SPATS2: variants seen among roughly 807,000 people sequenced by gnomAD.
The protein encoded by SPATS2 is spermatogenesis associated serine rich 2.
In SPATS2, 38 loss-of-function variants were observed where a neutral mutation model predicts 63.7. The observed-to-expected ratio is 0.60, with a 90% CI of 0.46 to 0.78. SPATS2 has a LOEUF of 0.78. SPATS2 is among the 30% of genes least tolerant of loss of function. SPATS2 has a pLI of 0.00. For missense variants in SPATS2, 588 were observed against 666.2 expected, an observed-to-expected ratio of 0.88 and a Z score of 1.29; for synonymous variants, 207 against 232.9, an observed-to-expected ratio of 0.89 and a Z score of 1.01.
intron 11 of SPATS2, 138 bp from the exon 12 acceptor site, chr12:49,522,613 G>A (rs907252085): frequency 3.4e-6 from 2 of 588,332 alleles, no homozygotes; most frequent in Non-Finnish European, 6.0e-6. Context: ...ACCTGGCGTT[G>A]GTCATGTGAT....
At chr12:49,519,220 C>T (rs1371270292) in intron 11 of SPATS2, 38 bp downstream of exon 11, 2 of 1,530,148 alleles carry the variant, frequency 1.3e-6, no homozygotes, top group Admixed American at 1.8e-5. Context: ...TCTTCTTATC[C>T]TCAGGGGCTA....
intron 3 of SPATS2, among the ~76,000 whole-genome samples, chr12:49,483,501 T>C (rs1477374418): frequency 2.0e-5 from 3 of 152,160 alleles, no homozygotes; most frequent in Non-Finnish European, 2.9e-5. Flanking sequence ...TTTGTATAAG[T>C]GTTACCCGAT....
intron 2 of SPATS2, among the ~76,000 whole-genome samples, chr12:49,443,695 A>G (rs1945463486): frequency 2.0e-5 from 3 of 152,116 alleles, no homozygotes; most frequent in Non-Finnish European, 2.9e-5. Context: ...GTTCATTTTT[A>G]TGTATTTGGA....
At chr12:49,438,580 C>T (rs1456688633) in intron 2 of SPATS2, among the ~76,000 whole-genome samples, 1 of 152,170 alleles carries the variant, frequency 6.6e-6, no homozygotes, top group Non-Finnish European at 1.5e-5. Flanking sequence ...GGTCCACATC[C>T]TGACCAAACT....
At chr12:49,489,399 G>A in intron 4 of SPATS2, 66 bp from the exon 5 acceptor site, 4 of 1,218,042 alleles carry the variant, frequency 3.3e-6, no homozygotes, top group Non-Finnish European at 4.8e-6. Context: ...ATTATTCTCT[G>A]TATAGGCCTC....
intron 2 of SPATS2, among the ~76,000 whole-genome samples, chr12:49,380,844 A>G (rs183783876): frequency 3.3e-5 from 5 of 150,758 alleles, no homozygotes; most frequent in African/African-American, 1.2e-4. Flanking sequence ...TTTTGTGTCT[A>G]TACCTAAAAG....
intron 2 of SPATS2, among the ~76,000 whole-genome samples, chr12:49,372,147 G>A (rs1256249844): frequency 1.3e-5 from 2 of 152,096 alleles, no homozygotes; most frequent in East Asian, 3.9e-4. Flanking sequence ...CTGGGTTTAA[G>A]CGATTTTCCT....
intron 9 of SPATS2, among the ~76,000 whole-genome samples, chr12:49,504,830 G>A (rs988548326): frequency 5.6e-4 from 76 of 135,130 alleles, no homozygotes; most frequent in African/African-American, 1.8e-3. Context: ...GTGTAGTAGC[G>A]CCATCGTGTC....
At chr12:49,415,446 A>G (rs1338672042) in intron 2 of SPATS2, among the ~76,000 whole-genome samples, 1 of 152,180 alleles carries the variant, frequency 6.6e-6, no homozygotes, top group East Asian at 1.9e-4. Flanking sequence ...CTTATATTCT[A>G]TATACTGCTT....
At position 49,498,145 on chromosome 12, in the gene SPATS2, A is replaced by AAATATATATAT. The variant is rs66900382; in HGVS notation, c.703+1137_703+1138insATATATATATA. 2.3e-3 allele frequency among the ~76,000 whole-genome samples: 228 copies of AAATATATATAT among 98,934 alleles called. 1 individual carries two copies. The highest frequency in any genetic ancestry group is 3.3e-3 in the African/African-American group (68 of 20,348). 64.9% of individuals were successfully genotyped at this position (98,934 alleles called of 152,430 possible). ...ATCCAATCAAGCCAAAAAAAAAAAA[A>AAATATATATAT]ATATATATATATATATATATATATG... is the stretch of plus-strand genomic sequence containing the variant. On this transcript the variant is annotated intron_variant, in intron 8 of 13. Coordinates refer to ENST00000552918, the MANE Select transcript of SPATS2 (RefSeq NM_023071.4).
chr12:49,421,109 C>A (rs1408303477), intron 2 of SPATS2, among the ~76,000 whole-genome samples: 3 of 152,092 alleles, frequency 2.0e-5, no homozygotes, highest in African/African-American at 7.2e-5. Context: ...AATTTATTTG[C>A]ACGTGTATAC....
intron 2 of SPATS2, among the ~76,000 whole-genome samples, chr12:49,446,788 A>G (rs1174283920): frequency 6.6e-6 from 1 of 152,232 alleles, no homozygotes; most frequent in Non-Finnish European, 1.5e-5. Flanking sequence ...TTACATCTGC[A>G]AAGTCCCTTC....
chr12:49,393,448 AAAG>A (rs2137259094), intron 2 of SPATS2, among the ~76,000 whole-genome samples: 1 of 152,300 alleles, frequency 6.6e-6, no homozygotes, highest in African/African-American at 2.4e-5. Context: ...ATTTTTCTAT[AAAG>A]AAGACTTTTT....
At chr12:49,457,436 C>T (rs1292623044) in intron 2 of SPATS2, among the ~76,000 whole-genome samples, 1 of 149,374 alleles carries the variant, frequency 6.7e-6, no homozygotes, top group Non-Finnish European at 1.5e-5. Flanking sequence ...TGCTTTCATC[C>T]TCTTTTTTTT....
At chr12:49,506,836 TA>T (rs11296154) in intron 9 of SPATS2, among the ~76,000 whole-genome samples, 8,093 of 139,950 alleles carry the variant, frequency 0.058, 408 homozygotes, top group African/African-American at 0.14. Context: ...CCTGTCTCTT[TA>T]AAAAAAAAAA....
chr12:49,426,873 C>A (rs1039651450), intron 2 of SPATS2, among the ~76,000 whole-genome samples: 1 of 152,150 alleles, frequency 6.6e-6, no homozygotes, highest in East Asian at 1.9e-4. Flanking sequence ...GAATGTGTTA[C>A]AATTTATCCA....
chr12:49,508,841 ATCATCTGAGGT>A (rs1946697348), intron 9 of SPATS2, among the ~76,000 whole-genome samples: 1 of 151,470 alleles, frequency 6.6e-6, no homozygotes, highest in African/African-American at 2.4e-5. Context: ...AGGCGGGTGG[ATCATCTGAGGT>A]CAGGAGTTTG....
Position 49,519,059 on chromosome 12 carries a change from CT to C in SPATS2, c.899-10del. The C allele has an allele frequency of 6.2e-7, 1 of 1,602,302 alleles. No individual in the cohort carries two copies. The highest frequency in any genetic ancestry group is 8.5e-7 in the Non-Finnish European group (1 of 1,169,910). ...AGCAGCAACATAAGGTTCACACTCA[CT>C]TTTCCTCTACAGTGGAAATTTTGCT... is the stretch of plus-strand genomic sequence containing the variant. On this transcript the variant is annotated splice_polypyrimidine_tract_variant and intron_variant, in intron 10 of 13. Coordinates refer to ENST00000552918, the MANE Select transcript of SPATS2 (RefSeq NM_023071.4).
Position 49,519,135 on chromosome 12 carries a change from G to C in SPATS2, c.961G>C (p.Val321Leu). The C allele has an allele frequency of 6.2e-7, 1 of 1,614,084 alleles. No homozygotes were observed. Among genetic ancestry groups the C allele is most frequent in the Non-Finnish European group, 8.5e-7 (1 of 1,179,998 alleles). ...TCTAAAGAAGATGACTCATGTGGCT[G>C]TTCAAATGTCAGAGCAGCAATTGGT... ...ELLKKMTHVA[V>L]QMSEQQLVEL... Residue 321 changes from valine (V) to leucine (L), a missense_variant, in exon 11 of 14, where the codon GTT becomes CTT. Val to Leu is a conservative substitution (Grantham distance 32). Transcript: ENST00000552918.
Sources: gnomAD v4.1 joint callset for allele counts (sites outside exome capture counted in the v4.1 genomes callset) on GRCh38, gnomAD v4.1.1 for gene constraint, MANE v1.5 for transcripts, NCBI Gene and HGNC (gene_info 2026-07-23, HGNC 2026-07-21) for gene names.